SLC10A7: variants seen among roughly 807,000 people sequenced by gnomAD.
SLC10A7 encodes solute carrier family 10 member 7, also known as sodium/bile acid cotransporter 7.
A neutral mutation model predicts 43.2 loss-of-function variants in SLC10A7; 29 were observed. That is an observed-to-expected ratio of 0.67 (90% confidence interval 0.50 to 0.92). SLC10A7 has a LOEUF of 0.92. Among genes scored for constraint, SLC10A7 ranks in the 40% least tolerant of loss-of-function variants. The probability of loss-of-function intolerance (pLI) is 0.00; values close to 1 mark genes in which losing one functional copy is unlikely to be tolerated. For synonymous variants in SLC10A7, 152 were observed against 144.8 expected (o/e 1.05, Z -0.35); for missense variants, 295 against 403.2 (o/e 0.73, Z 2.30).
intron 5 of SLC10A7, among the ~76,000 whole-genome samples, chr4:146,388,335 T>C (rs1181436628): frequency 6.6e-6 from 1 of 152,120 alleles, no homozygotes; most frequent in Non-Finnish European, 1.5e-5. Flanking sequence ...GGACACTCCA[T>C]TCAATAAATG....
At position 146,435,899 on chromosome 4, in the gene SLC10A7, C is replaced by T. The variant is rs556267905; in HGVS notation, c.435+6884G>A. 2.6e-5 allele frequency among the ~76,000 whole-genome samples: 4 copies of T among 151,960 alleles called. No homozygotes were observed. The South Asian group carries it at 8.3e-4, about 32-fold the overall frequency. ...AAATGAGTATAGAAGCAAATACTTT[C>T]CCAGTTTGGGACTGATGATGTTTCA... On this transcript the variant is annotated intron_variant, in intron 5 of 11. Coordinates refer to ENST00000335472, the MANE Select transcript of SLC10A7 (RefSeq NM_001029998.6).
In SLC10A7 at chr4:146,521,701, C is replaced by A; in HGVS notation, c.17G>T (p.Arg6Ile). 6.2e-7 allele frequency: 1 copy of A among 1,614,182 alleles called. No individual in the cohort carries two copies. The highest frequency in any genetic ancestry group is 8.5e-7 in the Non-Finnish European group (1 of 1,180,008). ...GACCATGAACCAGTCTTTCCTCATT[C>A]TCTCCAGCAGCCTCATATTTGTTAG... The part of the protein sequence containing the change: MRLLE[R>I]MRKDWFMVGI... The change falls in exon 1 of 12, where the codon AGA (arginine) becomes ATA (isoleucine). Residue 6 changes from arginine (R) to isoleucine (I), a missense_variant. Transcript: ENST00000335472.
At chr4:146,299,647 A>G (rs1035193874) in intron 7 of SLC10A7, among the ~76,000 whole-genome samples, 4 of 152,162 alleles carry the variant, frequency 2.6e-5, no homozygotes, top group African/African-American at 9.7e-5. Flanking sequence ...CGTGAGTGCA[A>G]TGGGCAAGTG....
At chr4:146,452,793 T>A (rs943784313) in intron 4 of SLC10A7, among the ~76,000 whole-genome samples, 2 of 151,978 alleles carry the variant, frequency 1.3e-5, no homozygotes, top group African/African-American at 2.4e-5. Context: ...GATACCATTT[T>A]TATATATATC....
chr4:146,360,263 A>T (rs1735950680), intron 5 of SLC10A7, among the ~76,000 whole-genome samples: 1 of 151,952 alleles, frequency 6.6e-6, no homozygotes, highest in Non-Finnish European at 1.5e-5. Context: ...TCCAAACTCC[A>T]GTCTAGCCCT....
chr4:146,508,877 G>A (rs543914085), intron 3 of SLC10A7, among the ~76,000 whole-genome samples: 2 of 152,206 alleles, frequency 1.3e-5, no homozygotes, highest in African/African-American at 2.4e-5. Flanking sequence ...GCTGTACCAC[G>A]GCCTATAAGG....
At chr4:146,366,778 GTATT>G (rs1333314107) in intron 5 of SLC10A7, among the ~76,000 whole-genome samples, 1 of 152,020 alleles carries the variant, frequency 6.6e-6, no homozygotes, top group African/African-American at 2.4e-5. Flanking sequence ...ACTTAAAAAA[GTATT>G]TATTTTCCCT....
intron 6 of SLC10A7, among the ~76,000 whole-genome samples, chr4:146,311,017 A>T (rs927727131): frequency 6.6e-6 from 1 of 151,974 alleles, no homozygotes; most frequent in African/African-American, 2.4e-5. Context: ...ACAGCAAATG[A>T]TTGGAGTGAC....
rs564749899 is a variant in SLC10A7 at position 146,304,806 on chromosome 4, G to A, written c.555+1120C>T. On this transcript the variant is annotated intron_variant, in intron 7 of 11. Coordinates refer to ENST00000335472, the MANE Select transcript of SLC10A7 (RefSeq NM_001029998.6). ...CTGAGTTCAATTCCTGGGTATCCTT[G>A]TTGACTTTCTGTCTCGTTGATCTGT... 2.3e-4 allele frequency among the ~76,000 whole-genome samples: 35 copies of A among 152,142 alleles called. No individual in the cohort carries two copies. In the South Asian group the frequency reaches 5.5e-3, roughly 24 times the overall value.
chr4:146,435,717 C>T (rs1730156127), intron 5 of SLC10A7, among the ~76,000 whole-genome samples: 1 of 152,140 alleles, frequency 6.6e-6, no homozygotes. Flanking sequence ...ATAAGCATCT[C>T]CTACTAAAGA....
chr4:146,491,305 C>T (rs140749032), intron 4 of SLC10A7, among the ~76,000 whole-genome samples: 102 of 152,244 alleles, frequency 6.7e-4, no homozygotes, highest in Admixed American at 1.2e-3. Flanking sequence ...CAACTGTCTG[C>T]AAGTAATAGG....
intron 10 of SLC10A7, among the ~76,000 whole-genome samples, chr4:146,273,365 G>A (rs1168892383): frequency 2.6e-5 from 4 of 152,136 alleles, no homozygotes; most frequent in African/African-American, 7.2e-5. Context: ...GCTGGGTGGT[G>A]TGATGGAAAG....
chr4:146,519,106 TATATATA>T (rs1258293922), intron 1 of SLC10A7, among the ~76,000 whole-genome samples: 18 of 22,572 alleles, frequency 8.0e-4, no homozygotes, highest in South Asian at 1.3e-3. Context: ...TATATATATA[TATATATA>T]ATATAATATA....
At chr4:146,438,583 A>G (rs910813201) in intron 5 of SLC10A7, among the ~76,000 whole-genome samples, 27 of 152,062 alleles carry the variant, frequency 1.8e-4, no homozygotes, top group African/African-American at 6.3e-4. Flanking sequence ...CTTGTCACTC[A>G]TTAGCATTTC....
intron 4 of SLC10A7, among the ~76,000 whole-genome samples, chr4:146,501,519 C>A (rs1394035817): frequency 6.6e-6 from 1 of 152,166 alleles, no homozygotes; most frequent in Non-Finnish European, 1.5e-5. Context: ...GTTCTCCAAT[C>A]TTTCTCTCTG....
At chr4:146,334,935 G>T (rs10519797) in intron 5 of SLC10A7, among the ~76,000 whole-genome samples, 3,297 of 152,096 alleles carry the variant, frequency 0.022, 113 homozygotes, top group African/African-American at 0.075. Context: ...GGGAACCTGT[G>T]TTACGACTAT....
intron 1 of SLC10A7, among the ~76,000 whole-genome samples, chr4:146,520,052 C>T (rs1383685007): frequency 6.6e-6 from 1 of 152,202 alleles, no homozygotes; most frequent in African/African-American, 2.4e-5. Context: ...CAGCATTCAA[C>T]ACCTTTCTTC....
chr4:146,329,677 T>C (rs1212798842), intron 5 of SLC10A7, among the ~76,000 whole-genome samples: 2 of 152,230 alleles, frequency 1.3e-5, no homozygotes, highest in African/African-American at 2.4e-5. Flanking sequence ...TCAGTATGTC[T>C]TTTTGATAAC....
intron 5 of SLC10A7, among the ~76,000 whole-genome samples, chr4:146,374,652 A>T (rs1361394516): frequency 1.4e-5 from 2 of 146,944 alleles, no homozygotes; most frequent in African/African-American, 5.1e-5. Flanking sequence ...ACACACACAC[A>T]CACACACACA....
Sources: allele counts gnomAD v4.1 joint callset (sites outside exome capture counted in the v4.1 genomes callset), GRCh38; gene constraint gnomAD v4.1.1; transcripts MANE v1.5; gene names NCBI Gene and HGNC (gene_info 2026-07-23, HGNC 2026-07-21).